The following SYTL3 variants were observed in gnomAD, a reference collection of about 807,000 sequenced individuals.
The protein encoded by SYTL3 is synaptotagmin like 3, also known as synaptotagmin-like protein 3.
SYTL3 carries 88 observed loss-of-function variants against 82.1 expected under a neutral mutation model. The ratio of observed to expected loss-of-function variants is 1.07; its 90% CI spans 0.90 to 1.28. SYTL3 has a LOEUF of 1.28. SYTL3 is among the 50% of genes most tolerant of loss of function. The probability of loss-of-function intolerance (pLI) is 0.00; values close to 1 mark genes in which losing one functional copy is unlikely to be tolerated. For synonymous variants in SYTL3, 311 were observed against 289.4 expected, an observed-to-expected ratio of 1.07 and a Z score of -0.76; for missense variants, 831 against 757.6, an observed-to-expected ratio of 1.10 and a Z score of -1.14.
Position 158,655,735 on chromosome 6 carries a change from C to T in SYTL3, c.-637+3893C>T, listed in dbSNP as rs143247684. On this transcript the variant is annotated intron_variant, in intron 2 of 17. Coordinates refer to ENST00000611299, the MANE Select transcript of SYTL3 (RefSeq NM_001242394.2). ...AGCACGTTTCGTCATCATAGCACCG[C>T]CGTGAAGTGGGTGCTGCACCTGTCT... Among the ~76,000 whole-genome samples, 394 of 152,286 alleles carry T rather than the reference C, an allele frequency of 2.6e-3. 8 individuals carry two copies. The highest frequency in any genetic ancestry group is 0.025 in the Admixed American group (375 of 15,290).
chr6:158,703,023 G>A (rs113297814), intron 6 of SYTL3, among the ~76,000 whole-genome samples: 2,145 of 151,694 alleles, frequency 0.014, 50 homozygotes, highest in African/African-American at 0.049. Flanking sequence ...GTGTGGTGGC[G>A]GGCGCCTGTA....
chr6:158,645,014 G>A (rs1040456974), upstream of SYTL3, among the ~76,000 whole-genome samples: 9 of 152,172 alleles, frequency 5.9e-5, no homozygotes, highest in Non-Finnish European at 1.2e-4. Context: ...CGTACAAAAG[G>A]CAGTCCTGGA....
chr6:158,692,433 C>G (rs962621734), intron 6 of SYTL3, among the ~76,000 whole-genome samples: 3 of 151,858 alleles, frequency 2.0e-5, no homozygotes, highest in Non-Finnish European at 4.4e-5. Flanking sequence ...TGTAACTAAC[C>G]AGGTTAATTA....
At chr6:158,746,617 C>T (rs1787703277) in intron 12 of SYTL3, among the ~76,000 whole-genome samples, 1 of 151,712 alleles carries the variant, frequency 6.6e-6, no homozygotes, top group African/African-American at 2.4e-5. Context: ...AGGCGTGCAC[C>T]ACCACGCCCA....
intron 17 of SYTL3, 26 bp downstream of exon 17, chr6:158,763,535 C>G (rs1373177629): frequency 2.5e-6 from 4 of 1,591,646 alleles, no homozygotes; most frequent in Non-Finnish European, 3.4e-6. Context: ...TGAGCCCAAA[C>G]GTTTATACTT....
At chr6:158,712,422 G>T (rs1016042588) in intron 8 of SYTL3, among the ~76,000 whole-genome samples, 2 of 152,144 alleles carry the variant, frequency 1.3e-5, no homozygotes, top group African/African-American at 2.4e-5. Flanking sequence ...TACAATTAAG[G>T]TGTCATTAAT....
intron 10 of SYTL3, among the ~76,000 whole-genome samples, chr6:158,719,327 G>A (rs1415586230): frequency 2.0e-5 from 3 of 152,170 alleles, no homozygotes; most frequent in Non-Finnish European, 4.4e-5. Context: ...CCTGCCAAAG[G>A]TTGTATAGCC....
intron 8 of SYTL3, among the ~76,000 whole-genome samples, chr6:158,709,186 G>A (rs1449592020): frequency 6.6e-6 from 1 of 152,054 alleles, no homozygotes; most frequent in East Asian, 1.9e-4. Flanking sequence ...TGAGCCAAGT[G>A]CCACTGCCCT....
At chr6:158,665,647 G>A (rs1167331694) in intron 5 of SYTL3, 34 bp downstream of exon 5, 1 of 1,489,406 alleles carries the variant, frequency 6.7e-7, no homozygotes, top group Non-Finnish European at 9.1e-7. Flanking sequence ...CCCTCCCACT[G>A]ATTCAGGTCT....
At chr6:158,675,300 G>A (rs1777900588) in intron 5 of SYTL3, among the ~76,000 whole-genome samples, 1 of 152,150 alleles carries the variant, frequency 6.6e-6, no homozygotes, top group Non-Finnish European at 1.5e-5. Flanking sequence ...TTAAGCAAGG[G>A]AGAGTTATTC....
intron 6 of SYTL3, among the ~76,000 whole-genome samples, chr6:158,689,651 CTT>C (rs34593490): frequency 1.4e-5 from 2 of 144,780 alleles, no homozygotes. Flanking sequence ...TTTTACTTAA[CTT>C]TTTTTTTTTT....
Position 158,764,699 on chromosome 6 carries a change from C to A in SYTL3, c.*95C>A. 1 of 847,696 alleles carries A rather than the reference C, an allele frequency of 1.2e-6. No individual in the cohort carries two copies. Among genetic ancestry groups the A allele is most frequent in the Non-Finnish European group, 2.0e-6 (1 of 503,710 alleles). The allele number at this position is 847,696 out of a possible 1,614,324, so 52.5% of individuals were successfully genotyped here. A position where few individuals can be genotyped will look rare whatever the true frequency, so the allele number is the denominator to read the frequency against. On this transcript the variant is annotated 3_prime_UTR_variant, in exon 18 of 18. Coordinates refer to ENST00000611299, the MANE Select transcript of SYTL3 (RefSeq NM_001242394.2). The stretch of plus-strand genomic sequence containing the variant: ...CAGGTGCAGGGTCCCAGCTGGAGAC[C>A]CCTTTGACCTTGAGCAGTCTCCATC...
chr6:158,764,488 C>G lies in SYTL3; in HGVS notation c.1724-7C>G, dbSNP rs1790518620. On this transcript the variant is annotated splice_polypyrimidine_tract_variant and splice_region_variant and intron_variant, in intron 17 of 17. Coordinates refer to ENST00000611299, the MANE Select transcript of SYTL3 (RefSeq NM_001242394.2). ...GACCATGGCTAAATTGTCTTCCTCT[C>G]TTACAGAGGGAGACACAGCTGTTGG... 6.2e-7 allele frequency: 1 copy of G among 1,605,344 alleles called. No homozygotes were observed. The highest frequency in any genetic ancestry group is 1.3e-5 in the African/African-American group (1 of 74,752).
At chr6:158,666,609 A>T (rs1790089514) in intron 5 of SYTL3, among the ~76,000 whole-genome samples, 1 of 152,234 alleles carries the variant, frequency 6.6e-6, no homozygotes, top group African/African-American at 2.4e-5. Context: ...GAGTCATCAG[A>T]GACCCTGAGA....
chr6:158,668,196 C>T (rs547910411), intron 5 of SYTL3, among the ~76,000 whole-genome samples: 1 of 151,612 alleles, frequency 6.6e-6, no homozygotes, highest in South Asian at 2.1e-4. Context: ...CTCCCGCCTG[C>T]TAGGAGCCTT....
At chr6:158,678,772 C>G (rs1479578351) in intron 5 of SYTL3, among the ~76,000 whole-genome samples, 1 of 152,082 alleles carries the variant, frequency 6.6e-6, no homozygotes, top group Non-Finnish European at 1.5e-5. Context: ...ATAGCTTCGG[C>G]CCTCCCCACC....
intron 4 of SYTL3, among the ~76,000 whole-genome samples, chr6:158,663,884 G>T (rs747341145): frequency 6.6e-6 from 1 of 152,038 alleles, no homozygotes; most frequent in Non-Finnish European, 1.5e-5. Context: ...GAGGAAGGGG[G>T]AGCATAAAAT....
chr6:158,676,742 G>A lies in SYTL3; in HGVS notation c.330-6183G>A, dbSNP rs186797353. ...CAAACAACCCTATCAACAAGTGGGCGAAGGATATGAACAGACACTTCTCAA... is the reference window on the plus strand; with the variant it reads ...CAAACAACCCTATCAACAAGTGGGCAAAGGATATGAACAGACACTTCTCAA... On this transcript the variant is annotated intron_variant, in intron 5 of 17. Transcript: ENST00000611299. Among the ~76,000 whole-genome samples, 1,300 of 152,218 alleles carry A rather than the reference G, an allele frequency of 8.5e-3. 9 individuals are homozygous for A. The highest frequency in any genetic ancestry group is 0.021 in the South Asian group (101 of 4,820).
At chr6:158,734,322 G>A (rs1198080497) in intron 11 of SYTL3, among the ~76,000 whole-genome samples, 1 of 151,992 alleles carries the variant, frequency 6.6e-6, no homozygotes, top group Non-Finnish European at 1.5e-5. Flanking sequence ...CTAGATTGGA[G>A]TCTGAGCTCC....
Sources: allele counts gnomAD v4.1 joint callset (sites outside exome capture counted in the v4.1 genomes callset), GRCh38; gene constraint gnomAD v4.1.1; transcripts MANE v1.5; gene names NCBI Gene and HGNC (gene_info 2026-07-23, HGNC 2026-07-21).